The following NYAP2 variants were observed in gnomAD, a reference collection of about 807,000 sequenced individuals.
The protein encoded by NYAP2 is neuronal tyrosine-phosphorylated phosphoinositide-3-kinase adapter 2.
In NYAP2, 23 loss-of-function variants were observed where a neutral mutation model predicts 50.4. The ratio of observed to expected loss-of-function variants is 0.46; its 90% CI spans 0.33 to 0.65. The LOEUF (loss-of-function observed/expected upper bound fraction) is 0.65. NYAP2 is among the 30% of genes least tolerant of loss of function. The pLI, the probability that NYAP2 is intolerant of heterozygous loss-of-function variation, is 0.02. For missense variants in NYAP2, 885 were observed against 861.0 expected (o/e 1.03, Z -0.35); for synonymous variants, 394 against 365.2 (o/e 1.08, Z -0.90).
intron 5 of NYAP2, among the ~76,000 whole-genome samples, chr2:225,595,387 G>A (rs1443451682): frequency 3.3e-5 from 5 of 152,304 alleles, no homozygotes; most frequent in Non-Finnish European, 7.4e-5. Flanking sequence ...TTAGTTGTTA[G>A]TAGCCTGCAA....
chr2:225,594,458 G>A (rs2106237501), intron 5 of NYAP2, among the ~76,000 whole-genome samples: 1 of 152,128 alleles, frequency 6.6e-6, no homozygotes, highest in East Asian at 1.9e-4. Flanking sequence ...CGGGGGCAGA[G>A]GTCACAGTGA....
chr2:225,531,044 G>A (rs1407164868), intron 4 of NYAP2, among the ~76,000 whole-genome samples: 6 of 152,222 alleles, frequency 3.9e-5, no homozygotes, highest in Non-Finnish European at 7.3e-5. Context: ...TACTTTCAGA[G>A]AGGATTTTCT....
intron 3 of NYAP2, among the ~76,000 whole-genome samples, chr2:225,489,444 C>T (rs758123787): frequency 1.1e-4 from 17 of 152,156 alleles, no homozygotes; most frequent in South Asian, 2.1e-4. Flanking sequence ...ATGATCCACC[C>T]GCCTTGGCCT....
chr2:225,660,182 A>T, the NYAP2 span, among the ~76,000 whole-genome samples: 1 of 152,108 alleles, frequency 6.6e-6, no homozygotes, highest in Non-Finnish European at 1.5e-5. Flanking sequence ...AAAATTAGTT[A>T]CTAAGTTATT....
At chr2:225,445,882 T>C (rs187873531) in intron 3 of NYAP2, among the ~76,000 whole-genome samples, 1 of 152,264 alleles carries the variant, frequency 6.6e-6, no homozygotes, top group East Asian at 1.9e-4. Context: ...GAAAAATTAG[T>C]TTATTTACTT....
chr2:225,514,666 T>C (rs76498222), intron 4 of NYAP2, among the ~76,000 whole-genome samples: 2,491 of 152,272 alleles, frequency 0.016, 73 homozygotes, highest in African/African-American at 0.057. Flanking sequence ...TTCAACATTC[T>C]AATTTGGGGA....
chr2:225,647,263 A>C (rs908330286), intron 6 of NYAP2, among the ~76,000 whole-genome samples: 1 of 152,192 alleles, frequency 6.6e-6, no homozygotes, highest in Non-Finnish European at 1.5e-5. Context: ...GTTCTGATGG[A>C]TGCTTTGCTT....
intron 6 of NYAP2, among the ~76,000 whole-genome samples, chr2:225,649,176 A>G (rs1184749363): frequency 6.6e-6 from 1 of 152,186 alleles, no homozygotes; most frequent in East Asian, 1.9e-4. Flanking sequence ...GTGTTTTTCT[A>G]TGAATTTTGC....
At chr2:225,498,091 G>A (rs1160377798) in intron 3 of NYAP2, among the ~76,000 whole-genome samples, 2 of 151,706 alleles carry the variant, frequency 1.3e-5, no homozygotes, top group Non-Finnish European at 2.9e-5. Flanking sequence ...TTTAATGTAG[G>A]TCTAAAATAA....
intron 3 of NYAP2, among the ~76,000 whole-genome samples, chr2:225,425,624 A>G (rs1438573990): frequency 6.6e-6 from 1 of 152,206 alleles, no homozygotes; most frequent in Admixed American, 6.5e-5. Flanking sequence ...GGACTTTTCT[A>G]AGAGACCTAT....
At chr2:225,439,590 C>T (rs1316632994) in intron 3 of NYAP2, among the ~76,000 whole-genome samples, 4 of 151,988 alleles carry the variant, frequency 2.6e-5, no homozygotes, top group South Asian at 2.1e-4. Context: ...TTCATGAGTC[C>T]GTTTTCATGA....
intron 3 of NYAP2, among the ~76,000 whole-genome samples, chr2:225,454,462 G>C (rs1401758251): frequency 1.6e-4 from 24 of 152,126 alleles, no homozygotes; most frequent in Admixed American, 1.6e-3. Flanking sequence ...AGTTATGATG[G>C]TGATATTAGC....
the NYAP2 span, among the ~76,000 whole-genome samples, chr2:225,667,427 A>T: frequency 2.6e-5 from 4 of 152,290 alleles, no homozygotes; most frequent in South Asian, 6.2e-4. Flanking sequence ...GCATTATAGG[A>T]TTAACAAATG....
intron 3 of NYAP2, among the ~76,000 whole-genome samples, chr2:225,480,613 A>T (rs1690190021): frequency 6.6e-6 from 1 of 152,100 alleles, no homozygotes; most frequent in South Asian, 2.1e-4. Context: ...ATATATTGTG[A>T]AGCTGTGCAA....
Position 225,513,272 on chromosome 2 carries a change from G to A in NYAP2, c.222-99G>A, listed in dbSNP as rs573442456. 1.7e-4 allele frequency: 182 copies of A among 1,069,978 alleles called. 1 individual carries two copies. In the East Asian group the frequency reaches 4.2e-3, roughly 25 times the overall value. 66.3% of individuals were successfully genotyped at this position (1,069,978 alleles called of 1,614,324 possible). A position where few individuals can be genotyped will look rare whatever the true frequency, so the allele number is the denominator to read the frequency against. On this transcript the variant is annotated intron_variant, in intron 3 of 6. Coordinates refer to ENST00000636099, the Ensembl canonical transcript of NYAP2. ...CAGCATTTCACCGGACTAAAATGAA[G>A]ATTTGAAATTTTCCCTATTAGTAAT...
At chr2:225,680,232 T>TG in the NYAP2 span, among the ~76,000 whole-genome samples, 4 of 152,212 alleles carry the variant, frequency 2.6e-5, no homozygotes, top group Non-Finnish European at 5.9e-5. Flanking sequence ...GTCTCTCCCT[T>TG]GCTAAGCAAG....
intron 3 of NYAP2, among the ~76,000 whole-genome samples, chr2:225,480,929 C>T (rs751534434): frequency 6.6e-6 from 1 of 152,064 alleles, no homozygotes; most frequent in Non-Finnish European, 1.5e-5. Flanking sequence ...GTAAACACCC[C>T]TTCTGCTAAT....
At chr2:225,541,911 A>T (rs147127759) in intron 4 of NYAP2, among the ~76,000 whole-genome samples, 2 of 152,308 alleles carry the variant, frequency 1.3e-5, no homozygotes, top group East Asian at 3.9e-4. Flanking sequence ...TGATCCTTCC[A>T]ATCCATGAAC....
At chr2:225,650,917 A>G (rs1693719587) in intron 6 of NYAP2, among the ~76,000 whole-genome samples, 1 of 152,234 alleles carries the variant, frequency 6.6e-6, no homozygotes, top group South Asian at 2.1e-4. Context: ...ATTATGAAAG[A>G]TAGTAAAAGT....
Sources: gnomAD v4.1 joint callset for allele counts (sites outside exome capture counted in the v4.1 genomes callset) on GRCh38, gnomAD v4.1.1 for gene constraint, MANE v1.5 for transcripts, NCBI Gene and HGNC (gene_info 2026-07-23, HGNC 2026-07-21) for gene names.